The following SCFD2 variants were observed in gnomAD, a reference collection of about 807,000 sequenced individuals.
The protein encoded by SCFD2 is sec1 family domain containing 2, also known as sec1 family domain-containing protein 2.
In SCFD2, 54 loss-of-function variants were observed where a neutral mutation model predicts 58.9. That is an observed-to-expected ratio of 0.92 (90% CI 0.74 to 1.15). The LOEUF (loss-of-function observed/expected upper bound fraction) is 1.15. SCFD2 is among the 50% of genes most tolerant of loss of function. The probability of loss-of-function intolerance (pLI) is 0.00; values close to 1 mark genes in which losing one functional copy is unlikely to be tolerated. For synonymous variants in SCFD2, 321 were observed against 335.9 expected, an observed-to-expected ratio of 0.96 and a Z score of 0.49; for missense variants, 805 against 836.6, an observed-to-expected ratio of 0.96 and a Z score of 0.47.
chr4:53,105,022 G>A lies in SCFD2; in HGVS notation c.1561+40311C>T, dbSNP rs186510157. 2.6e-5 allele frequency among the ~76,000 whole-genome samples: 4 copies of A among 152,274 alleles called. No individual in the cohort carries two copies. In the East Asian group the frequency reaches 5.8e-4, roughly 22 times the overall value. On this transcript the variant is annotated intron_variant, in intron 5 of 8. Transcript: ENST00000401642. Reference sequence around the variant, plus strand: ...CATTGGGAGTGGTCAGACAATGGGTGCAGCTCACAAAGGGCGAGCTGAAGT... The same window carrying A: ...CATTGGGAGTGGTCAGACAATGGGTACAGCTCACAAAGGGCGAGCTGAAGT...
intron 5 of SCFD2, among the ~76,000 whole-genome samples, chr4:53,137,349 G>A (rs552565092): frequency 7.2e-5 from 11 of 152,224 alleles, no homozygotes; most frequent in East Asian, 1.9e-4. Context: ...AGCATCCAGC[G>A]CATGACCATG....
At chr4:53,171,793 G>A (rs1442438978) in intron 4 of SCFD2, among the ~76,000 whole-genome samples, 1 of 151,652 alleles carries the variant, frequency 6.6e-6, no homozygotes, top group Non-Finnish European at 1.5e-5. Context: ...ATTGTTCATG[G>A]TAATCTCTTA....
intron 2 of SCFD2, among the ~76,000 whole-genome samples, chr4:53,323,530 A>ATTTTTTTTT (rs1201482656): frequency 2.8e-5 from 3 of 106,764 alleles, no homozygotes; most frequent in African/African-American, 7.8e-5. Context: ...TGCCCAGCTA[A>ATTTTTTTTT]TTTTTTTTTT....
intron 4 of SCFD2, among the ~76,000 whole-genome samples, chr4:53,154,901 A>G (rs1382990463): frequency 7.9e-5 from 12 of 152,238 alleles, no homozygotes; most frequent in Non-Finnish European, 1.6e-4. Flanking sequence ...ATGGAAGAAG[A>G]AGGCCATGAG....
At chr4:52,913,415 T>TGAG (rs1260432176) in intron 6 of SCFD2, among the ~76,000 whole-genome samples, 1 of 152,176 alleles carries the variant, frequency 6.6e-6, no homozygotes, top group Non-Finnish European at 1.5e-5. Flanking sequence ...ACTGCGCATG[T>TGAG]GAGGGTTCTA....
At chr4:52,959,085 T>C (rs936639641) in intron 5 of SCFD2, among the ~76,000 whole-genome samples, 3 of 152,166 alleles carry the variant, frequency 2.0e-5, no homozygotes, top group African/African-American at 7.2e-5. Flanking sequence ...CACGTTGGCA[T>C]TTGAATCCAG....
intron 5 of SCFD2, among the ~76,000 whole-genome samples, chr4:53,092,149 A>C (rs1724488442): frequency 6.6e-6 from 1 of 152,208 alleles, no homozygotes; most frequent in South Asian, 2.1e-4. Flanking sequence ...ATAAATATTT[A>C]CAGAATACAA....
chr4:53,261,906 G>T (rs1730839580), intron 4 of SCFD2, among the ~76,000 whole-genome samples: 1 of 152,130 alleles, frequency 6.6e-6, no homozygotes, highest in African/African-American at 2.4e-5. Flanking sequence ...GAGCTCCAGT[G>T]TTAGGTGCAT....
intron 4 of SCFD2, among the ~76,000 whole-genome samples, chr4:53,248,181 G>A (rs1236723820): frequency 2.6e-5 from 4 of 152,258 alleles, no homozygotes; most frequent in Admixed American, 6.5e-5. Flanking sequence ...CTTGAAAATC[G>A]GGCCACTCCC....
intron 5 of SCFD2, among the ~76,000 whole-genome samples, chr4:53,082,123 T>C (rs1315023500): frequency 2.0e-5 from 3 of 152,200 alleles, no homozygotes; most frequent in East Asian, 3.8e-4. Flanking sequence ...GTTGTTTCTA[T>C]TGAGTTACTA....
intron 1 of SCFD2, among the ~76,000 whole-genome samples, chr4:53,364,892 C>A (rs1475994114): frequency 6.6e-6 from 1 of 152,206 alleles, no homozygotes; most frequent in Admixed American, 6.5e-5. Flanking sequence ...CCCATTACAG[C>A]ATTTAACAAA....
intron 7 of SCFD2, among the ~76,000 whole-genome samples, chr4:52,905,667 G>A (rs1023138457): frequency 6.6e-6 from 1 of 152,210 alleles, no homozygotes; most frequent in Non-Finnish European, 1.5e-5. Flanking sequence ...GTTTGAAATG[G>A]AGAGAAACAC....
intron 8 of SCFD2, among the ~76,000 whole-genome samples, chr4:52,875,714 T>G (rs1447768038): frequency 6.7e-6 from 1 of 150,140 alleles, no homozygotes; most frequent in East Asian, 2.0e-4. Context: ...GAAAGAATTT[T>G]TCAACAACCT....
intron 3 of SCFD2, among the ~76,000 whole-genome samples, chr4:53,290,873 G>A (rs956047950): frequency 1.2e-4 from 18 of 151,974 alleles, no homozygotes; most frequent in African/African-American, 4.3e-4. Context: ...AATTTCTTAA[G>A]AAATGTAACA....
intron 5 of SCFD2, among the ~76,000 whole-genome samples, chr4:52,960,776 CACA>C (rs1720832665): frequency 1.3e-5 from 2 of 152,188 alleles, no homozygotes; most frequent in South Asian, 2.1e-4. Context: ...AAAAGTCACT[CACA>C]ACAACAAAAA....
intron 2 of SCFD2, among the ~76,000 whole-genome samples, chr4:53,340,082 C>T (rs759756211): frequency 3.9e-5 from 6 of 152,042 alleles, no homozygotes; most frequent in Non-Finnish European, 7.4e-5. Context: ...ACTGAGGTAC[C>T]GGGTTCATCT....
At chr4:52,916,125 C>A (rs143559684) in intron 6 of SCFD2, among the ~76,000 whole-genome samples, 6 of 152,198 alleles carry the variant, frequency 3.9e-5, no homozygotes, top group African/African-American at 1.4e-4. Flanking sequence ...GTCTGAAAGC[C>A]CCGTATAAGC....
intron 3 of SCFD2, among the ~76,000 whole-genome samples, chr4:53,281,304 T>C (rs1259051412): frequency 2.0e-5 from 3 of 152,242 alleles, no homozygotes; most frequent in African/African-American, 7.2e-5. Flanking sequence ...CAAGGTTGCA[T>C]AGATTTTTGA....
chr4:53,082,747 T>C (rs1387850872), intron 5 of SCFD2, among the ~76,000 whole-genome samples: 1 of 151,994 alleles, frequency 6.6e-6, no homozygotes, highest in African/African-American at 2.4e-5. Context: ...AGAGAGCAAA[T>C]TTGAGATATC....
Sources: allele counts gnomAD v4.1 joint callset (sites outside exome capture counted in the v4.1 genomes callset), GRCh38; gene constraint gnomAD v4.1.1; transcripts MANE v1.5; gene names NCBI Gene and HGNC (gene_info 2026-07-23, HGNC 2026-07-21).